The following IL1RAPL1 variants were observed in gnomAD, a reference collection of about 807,000 sequenced individuals.
IL1RAPL1 encodes interleukin 1 receptor accessory protein like 1.
IL1RAPL1 carries 3 observed loss-of-function variants against 48.4 expected under a neutral mutation model. The ratio of observed to expected loss-of-function variants is 0.06; its 90% CI spans 0.03 to 0.16. IL1RAPL1 has a LOEUF of 0.16. IL1RAPL1 is among the 10% of genes least tolerant of loss of function. The probability of loss-of-function intolerance (pLI) is 1.00; values close to 1 mark genes in which losing one functional copy is unlikely to be tolerated. For synonymous variants in IL1RAPL1, 185 were observed against 187.7 expected, an observed-to-expected ratio of 0.99 and a Z score of 0.12; for missense variants, 349 against 530.6, an observed-to-expected ratio of 0.66 and a Z score of 3.36.
At chrX:29,076,673 C>T (rs1437059105) in intron 2 of IL1RAPL1, among the ~76,000 whole-genome samples, 1 of 111,104 alleles carries the variant, frequency 9.0e-6, no homozygotes, top group Admixed American at 9.6e-5. Flanking sequence ...TATTCACATA[C>T]CATAGGTCAT....
chrX:29,540,075 A>T (rs990713032), intron 5 of IL1RAPL1, among the ~76,000 whole-genome samples: 2 of 111,984 alleles, frequency 1.8e-5, no homozygotes, highest in African/African-American at 6.5e-5. Flanking sequence ...ATTGACTTCA[A>T]TAAAGTTTTA....
rs1178639369 is a variant in IL1RAPL1 at position 28,963,372 on chromosome X, T to C, written c.82+173947T>C. Among the ~76,000 whole-genome samples, 12 of 111,417 alleles carry C rather than the reference T, an allele frequency of 1.1e-4. No individual in the cohort carries two copies. The Admixed American group carries it at 1.2e-3, about 11-fold the overall frequency. Reference sequence around the variant, plus strand: ...AATAAAGATGATCTCTATTTTACATTATATATTCCTCTGCATACCCCCAAT... The same window carrying C: ...AATAAAGATGATCTCTATTTTACATCATATATTCCTCTGCATACCCCCAAT... On this transcript the variant is annotated intron_variant, in intron 2 of 10. Transcript: ENST00000378993.
At chrX:29,189,072 T>C (rs1160278700) in intron 2 of IL1RAPL1, among the ~76,000 whole-genome samples, 1 of 112,540 alleles carries the variant, frequency 8.9e-6, no homozygotes, top group Non-Finnish European at 1.9e-5. Context: ...TAATAATTGG[T>C]ATAGTTTAGA....
chrX:29,288,560 TTGA>T (rs1413809933), intron 3 of IL1RAPL1, among the ~76,000 whole-genome samples: 1 of 112,208 alleles, frequency 8.9e-6, no homozygotes, highest in East Asian at 2.8e-4. Flanking sequence ...CCGTCTATCA[TTGA>T]TGGGCATTTG....
At chrX:28,795,716 A>G (rs775740090) in intron 2 of IL1RAPL1, among the ~76,000 whole-genome samples, 3 of 111,121 alleles carry the variant, frequency 2.7e-5, no homozygotes, top group Non-Finnish European at 5.7e-5. Context: ...GCTTATAATA[A>G]GTAATAATAT....
chrX:28,637,330 T>A (rs1242246266), intron 1 of IL1RAPL1, among the ~76,000 whole-genome samples: 1 of 111,572 alleles, frequency 9.0e-6, no homozygotes, highest in Non-Finnish European at 1.9e-5. Flanking sequence ...CAAAAAAGGT[T>A]CTCAGAGAGA....
At chrX:29,138,803 C>G (rs866308673) in intron 2 of IL1RAPL1, among the ~76,000 whole-genome samples, 1 of 101,132 alleles carries the variant, frequency 9.9e-6, no homozygotes, top group Admixed American at 1.1e-4. Flanking sequence ...AGAAAGAAAA[C>G]AAACAATGAA....
At chrX:29,628,905 C>T (rs1924689568) in intron 5 of IL1RAPL1, among the ~76,000 whole-genome samples, 1 of 112,008 alleles carries the variant, frequency 8.9e-6, no homozygotes, top group African/African-American at 3.2e-5. Context: ...ACTGGATACT[C>T]GAATTGGATT....
chrX:29,951,895 A>G (rs755157843), intron 9 of IL1RAPL1, among the ~76,000 whole-genome samples: 1 of 111,345 alleles, frequency 9.0e-6, no homozygotes, highest in East Asian at 2.8e-4. Context: ...GCATCTACAC[A>G]GAAGTGATGT....
intron 5 of IL1RAPL1, among the ~76,000 whole-genome samples, chrX:29,436,091 G>A (rs749622199): frequency 7.6e-4 from 83 of 109,273 alleles, no homozygotes; most frequent in African/African-American, 2.6e-3. Context: ...TGGACTGGCA[G>A]TTATTATGTT....
chrX:28,878,927 T>C (rs1480322012), intron 2 of IL1RAPL1, among the ~76,000 whole-genome samples: 2 of 111,486 alleles, frequency 1.8e-5, no homozygotes, highest in Non-Finnish European at 3.8e-5. Flanking sequence ...AATTGAGACT[T>C]GGAAAGGCCA....
At chrX:29,741,935 G>GAAAAAAAAAAAAAAAA (rs1182352727) in intron 6 of IL1RAPL1, among the ~76,000 whole-genome samples, 11 of 61,803 alleles carry the variant, frequency 1.8e-4, no homozygotes, top group Admixed American at 4.2e-4. Context: ...AAAAAAAAAA[G>GAAAAAAAAAAAAAAAA]AAAAAAAAAA....
At chrX:28,957,437 C>T (rs766901315) in intron 2 of IL1RAPL1, among the ~76,000 whole-genome samples, 3 of 111,451 alleles carry the variant, frequency 2.7e-5, no homozygotes, top group Non-Finnish European at 5.6e-5. Context: ...AAGCGCTTCT[C>T]AAGATATGAT....
intron 1 of IL1RAPL1, among the ~76,000 whole-genome samples, chrX:28,694,661 C>T (rs1489845854): frequency 1.8e-5 from 2 of 112,079 alleles, no homozygotes; most frequent in African/African-American, 6.5e-5. Flanking sequence ...AATAGATAAG[C>T]AATGCATAAA....
intron 6 of IL1RAPL1, among the ~76,000 whole-genome samples, chrX:29,889,011 C>T (rs1275361916): frequency 8.9e-6 from 1 of 111,772 alleles, no homozygotes; most frequent in Non-Finnish European, 1.9e-5. Context: ...TAAAGTTCAA[C>T]TTGTTTCCTT....
At chrX:29,577,607 A>G (rs904739069) in intron 5 of IL1RAPL1, among the ~76,000 whole-genome samples, 2 of 112,048 alleles carry the variant, frequency 1.8e-5, no homozygotes, top group African/African-American at 6.5e-5. Flanking sequence ...GTTTACCCTT[A>G]CTGGGGAGAT....
intron 6 of IL1RAPL1, among the ~76,000 whole-genome samples, chrX:29,687,365 T>C (rs189222002): frequency 8.0e-5 from 9 of 112,026 alleles, no homozygotes; most frequent in Admixed American, 3.8e-4. Flanking sequence ...TAAATGAACA[T>C]TGGGGACATT....
chrX:29,681,919 A>G (rs1926463878), intron 6 of IL1RAPL1, among the ~76,000 whole-genome samples: 1 of 110,894 alleles, frequency 9.0e-6, no homozygotes, highest in African/African-American at 3.3e-5. Flanking sequence ...TAAATTAAAA[A>G]AAAAAATTAC....
intron 5 of IL1RAPL1, among the ~76,000 whole-genome samples, chrX:29,582,046 G>A (rs944076353): frequency 1.8e-5 from 2 of 111,950 alleles, no homozygotes; most frequent in Non-Finnish European, 3.8e-5. Context: ...AACACTACAA[G>A]AACCCATGAT....
Sources: gnomAD v4.1 joint callset for allele counts (sites outside exome capture counted in the v4.1 genomes callset) on GRCh38, gnomAD v4.1.1 for gene constraint, MANE v1.5 for transcripts, NCBI Gene and HGNC (gene_info 2026-07-23, HGNC 2026-07-21) for gene names.